BSN: variants seen among roughly 807,000 people sequenced by gnomAD.
BSN encodes the protein protein bassoon.
In BSN, 57 loss-of-function variants were observed where a neutral mutation model predicts 264.8. The observed-to-expected ratio is 0.22, with a 90% confidence interval of 0.17 to 0.27. The LOEUF is 0.27. Among genes scored for constraint, BSN ranks in the 10% least tolerant of loss-of-function variants. The pLI, the probability that BSN is intolerant of heterozygous loss-of-function variation, is 1.00. For missense variants in BSN, 4,615 were observed against 5,232.5 expected, an observed-to-expected ratio of 0.88 and a Z score of 3.64; for synonymous variants, 2,059 against 2,137.3, an observed-to-expected ratio of 0.96 and a Z score of 1.01.
intron 2 of BSN, among the ~76,000 whole-genome samples, chr3:49,628,187 C>A (rs1410689060): frequency 1.3e-5 from 2 of 152,214 alleles, no homozygotes; most frequent in Non-Finnish European, 2.9e-5. Flanking sequence ...GAACTTTGTT[C>A]ATGTGTGTCA....
rs540853136 is a variant in BSN, at chr3:49,594,072, G to A, written c.225-30903G>A. Reference sequence around the variant, plus strand: ...CTCCCAAAGTGCTGGGATTACAGGCGTGAGCCACCACGCCCGGCCGCTAGA... The same window carrying A: ...CTCCCAAAGTGCTGGGATTACAGGCATGAGCCACCACGCCCGGCCGCTAGA... On this transcript the variant is annotated intron_variant, in intron 1 of 11. Coordinates refer to ENST00000296452, the MANE Select transcript of BSN (RefSeq NM_003458.4). 1.5e-3 allele frequency among the ~76,000 whole-genome samples: 226 copies of A among 152,126 alleles called. 2 individuals carry two copies. In the South Asian group the frequency reaches 0.017, roughly 11 times the overall value.
At chr3:49,641,138 A>G (rs2052459670) in intron 2 of BSN, among the ~76,000 whole-genome samples, 1 of 152,204 alleles carries the variant, frequency 6.6e-6, no homozygotes, top group Admixed American at 6.5e-5. Context: ...TCTGATTTAC[A>G]TGTGGGTTTT....
intron 1 of BSN, among the ~76,000 whole-genome samples, chr3:49,620,365 C>T (rs1344931466): frequency 2.6e-5 from 4 of 151,610 alleles, no homozygotes; most frequent in African/African-American, 9.7e-5. Context: ...GCGGAGGTTG[C>T]CGTGAGCTGA....
chr3:49,630,367 C>T (rs1176024807), intron 2 of BSN, among the ~76,000 whole-genome samples: 2 of 152,222 alleles, frequency 1.3e-5, no homozygotes, highest in African/African-American at 2.4e-5. Context: ...TTTCTCCCAC[C>T]GAATAGCTAG....
At position 49,585,501 on chromosome 3, in the gene BSN, T is replaced by C. The variant is rs926202690; in HGVS notation, c.224+30675T>C. On this transcript the variant is annotated intron_variant, in intron 1 of 11. Transcript: ENST00000296452. This position sits in a 1 kb window ranked among gnomAD's most constrained non-coding sequence, Gnocchi z 4.7. ...CAGGCAGGCTCTTGCGGCTCCCAAC[T>C]AGGCGGCCTTGCACTCCGTGTGCAC... Among the ~76,000 whole-genome samples the C allele has an allele frequency of 7.9e-5, 12 of 152,226 alleles. No individual in the cohort carries two copies. Among genetic ancestry groups the C allele is most frequent in the Non-Finnish European group, 1.8e-4 (12 of 68,042 alleles).
rs1483501459 is a variant in BSN at position 49,655,549 on chromosome 3, C to A, written c.5993C>A (p.Ala1998Asp). The change falls in exon 5 of 12, where the codon GCC (alanine) becomes GAC (aspartate). Residue 1998 changes from alanine (A) to aspartate (D), a missense_variant. Physicochemically the swap from Ala to Asp is moderately radical, Grantham distance 126 (BLOSUM62 -2). This residue lies in a region of BSN where 3,415 missense variants were observed against 3,866.4 expected (regional missense o/e 0.88). Coordinates refer to ENST00000296452, the MANE Select transcript of BSN (RefSeq NM_003458.4). Reference protein sequence around the residue: ...NLAEAGLNYHAQRIGQLFQGP... With the variant: ...NLAEAGLNYHDQRIGQLFQGP... ...GCTGAGGCTGGCCTCAACTACCATG[C>A]CCAGAGGATCGGGCAGCTCTTCCAG... 3 of 1,613,162 alleles carry A rather than the reference C, an allele frequency of 1.9e-6. No homozygotes were observed. Among genetic ancestry groups the A allele is most frequent in the Non-Finnish European group, 2.5e-6 (3 of 1,179,760 alleles).
At chr3:49,664,892 A>C in intron 10 of BSN, 39 bp downstream of exon 10, 2 of 945,502 alleles carry the variant, frequency 2.1e-6, no homozygotes, top group Non-Finnish European at 3.2e-6. Flanking sequence ...CTTCTGGGAA[A>C]GGCCCGAGGC....
intron 1 of BSN, among the ~76,000 whole-genome samples, chr3:49,566,865 G>GT (rs36077279): frequency 0.41 from 60,136 of 145,610 alleles, 13,918 homozygotes; most frequent in East Asian, 0.93. Flanking sequence ...GTCCTTATCA[G>GT]TTTTTTTTTT....
At chr3:49,672,149 A>T (rs142827798), downstream of BSN, among the ~76,000 whole-genome samples, 486 of 143,842 alleles carry the variant, frequency 3.4e-3, 3 homozygotes, top group African/African-American at 0.012. Context: ...TCCAGTCTTC[A>T]TTTTAAACAG....
chr3:49,587,886 G>GT (rs768463946), intron 1 of BSN, among the ~76,000 whole-genome samples: 1 of 36,838 alleles, frequency 2.7e-5, no homozygotes, highest in Non-Finnish European at 7.9e-5. Context: ...GAAAGTTGGG[G>GT]TTTTTCTTTT....
rs540736597 is a variant in BSN, at chr3:49,651,856, C to T, written c.2300C>T (p.Thr767Met). ...CAGCGGCCCCACTCCTTGTCCATCA[C>T]GCCTGAGGCCTTTGACTCTGATGAG... is the stretch of plus-strand genomic sequence containing the variant. ...QKQRPHSLSITPEAFDSDEEL... is the reference protein window; with the variant it reads ...QKQRPHSLSIMPEAFDSDEEL... Residue 767 changes from threonine (T) to methionine (M), a missense_variant, in exon 5 of 12, where the codon ACG (threonine) becomes ATG (methionine). This residue lies in a region of BSN where 1,197 missense variants were observed against 1,348.0 expected (regional missense o/e 0.89). Transcript: ENST00000296452. The surrounding 1 kb of genome is among the most constrained non-coding windows in gnomAD (Gnocchi z 5.4). 2.6e-5 allele frequency: 42 copies of T among 1,613,974 alleles called. No homozygotes were observed. Among genetic ancestry groups the T allele is most frequent in the Admixed American group, 2.2e-4 (13 of 60,026 alleles).
In BSN at chr3:49,657,272, T is replaced by C. The variant is rs2052613780; in HGVS notation, c.7716T>C (p.Thr2572=). The change falls in exon 5 of 12, where the codon ACT becomes ACC. Residue 2572 remains threonine, a synonymous_variant. Coordinates refer to ENST00000296452, the MANE Select transcript of BSN (RefSeq NM_003458.4). Reference sequence around the variant, plus strand: ...ATGCCTGTGAGCTAGAGTCTGGGACTGAGCCCTGTGTGGTCAGGAGGATTG... The same window carrying C: ...ATGCCTGTGAGCTAGAGTCTGGGACCGAGCCCTGTGTGGTCAGGAGGATTG... ...LRDACELESG[T]EPCVVRRIAD... 1 of 1,613,408 alleles carries C rather than the reference T, an allele frequency of 6.2e-7. No individual in the cohort carries two copies. The highest frequency in any genetic ancestry group is 1.1e-5 in the South Asian group (1 of 91,084).
Position 49,655,354 on chromosome 3 carries a change from C to A in BSN, c.5798C>A (p.Pro1933Gln), listed in dbSNP as rs1035524342. 3 of 1,597,630 alleles carry A rather than the reference C, an allele frequency of 1.9e-6. No homozygotes were observed. Among genetic ancestry groups the A allele is most frequent in the Non-Finnish European group, 2.6e-6 (3 of 1,171,708 alleles). ...VPEKSMADAA[P>Q]PGQSSSPFYG... ...GAGAAGAGCATGGCAGATGCTGCCC[C>A]ACCTGGCCAAAGCAGCAGCCCCTTC... Residue 1933 changes from proline to glutamine, a missense_variant, in exon 5 of 12, where the codon CCA becomes CAA. Around this residue, in one of 3 missense-constraint regions of BSN, gnomAD observed 3,415 missense variants for 3,866.4 expected, o/e 0.88. Transcript: ENST00000296452.
chr3:49,576,427 CTT>C (rs1164537220), intron 1 of BSN, among the ~76,000 whole-genome samples: 1 of 140,692 alleles, frequency 7.1e-6, no homozygotes. Flanking sequence ...TTTCTTTTTT[CTT>C]TTTTTTTTTG....
chr3:49,603,828 C>T (rs1482519384), intron 1 of BSN, among the ~76,000 whole-genome samples: 1 of 152,194 alleles, frequency 6.6e-6, no homozygotes, highest in East Asian at 1.9e-4. Context: ...ACCCCACACT[C>T]ATTAAGCAGT....
At chr3:49,618,966 T>C (rs2052282387) in intron 1 of BSN, among the ~76,000 whole-genome samples, 1 of 152,154 alleles carries the variant, frequency 6.6e-6, no homozygotes, top group Non-Finnish European at 1.5e-5. Context: ...CTATACAACA[T>C]GTATAAGATG....
intron 1 of BSN, among the ~76,000 whole-genome samples, chr3:49,586,606 G>T (rs2051939982): frequency 6.6e-6 from 1 of 152,212 alleles, no homozygotes; most frequent in Non-Finnish European, 1.5e-5. Context: ...TTCCCAGAGT[G>T]CTGGGATTAC....
downstream of BSN, among the ~76,000 whole-genome samples, chr3:49,672,025 CTT>C (rs34710169): frequency 0.016 from 1,609 of 100,400 alleles, 39 homozygotes; most frequent in African/African-American, 0.056. Context: ...GTTGCTAGAC[CTT>C]TTTTTTTTTT....
chr3:49,636,764 C>G (rs2052423263), intron 2 of BSN, among the ~76,000 whole-genome samples: 2 of 152,350 alleles, frequency 1.3e-5, no homozygotes, highest in East Asian at 1.9e-4. Context: ...CCCTGTGGTA[C>G]CTGCTTCCTA....
Sources: gnomAD v4.1 joint callset for allele counts (sites outside exome capture counted in the v4.1 genomes callset) on GRCh38, gnomAD v4.1.1 for gene constraint, gnomAD v4.1.1 regional missense constraint, Gnocchi (gnomAD v3.1) non-coding constraint, MANE v1.5 for transcripts, NCBI Gene and HGNC (gene_info 2026-07-23, HGNC 2026-07-21) for gene names.